Variants in CLDN16 observed in about 807,000 individuals in gnomAD.
The protein encoded by CLDN16 is claudin-16.
A neutral mutation model predicts 24.6 loss-of-function variants in CLDN16; 13 were observed. The ratio of observed to expected loss-of-function variants is 0.53; its 90% confidence interval spans 0.34 to 0.84. The LOEUF is 0.84. Ranked by LOEUF, CLDN16 falls within the 40% of genes least tolerant of loss-of-function variation. The pLI is 0.01. For synonymous variants in CLDN16, 116 were observed against 106.7 expected, an observed-to-expected ratio of 1.09 and a Z score of -0.54; for missense variants, 298 against 292.7, an observed-to-expected ratio of 1.02 and a Z score of -0.13.
At chr3:190,391,832 G>T (rs1325067907) in intron 1 of CLDN16, among the ~76,000 whole-genome samples, 1 of 152,156 alleles carries the variant, frequency 6.6e-6, no homozygotes, top group African/African-American at 2.4e-5. Flanking sequence ...CTACATCAGT[G>T]ACTAGAGGCC....
At chr3:190,323,245 A>C (rs1488761773) in intron 1 of CLDN16, among the ~76,000 whole-genome samples, 1 of 152,178 alleles carries the variant, frequency 6.6e-6, no homozygotes, top group Non-Finnish European at 1.5e-5. Context: ...TCATTATCAG[A>C]GGGACCTGGC....
chr3:190,327,141 C>T (rs887114869), intron 1 of CLDN16, among the ~76,000 whole-genome samples: 4 of 152,054 alleles, frequency 2.6e-5, no homozygotes, highest in South Asian at 2.1e-4. Flanking sequence ...ATTCAACATT[C>T]GTAAAGTGTT....
At chr3:190,363,774 T>A (rs972464682) in intron 1 of CLDN16, among the ~76,000 whole-genome samples, 2 of 151,358 alleles carry the variant, frequency 1.3e-5, no homozygotes, top group African/African-American at 4.8e-5. Context: ...TCCCACTGGA[T>A]TAACATGTGA....
intron 1 of CLDN16, among the ~76,000 whole-genome samples, chr3:190,359,456 A>G (rs77527294): frequency 0.017 from 2,529 of 152,154 alleles, 79 homozygotes; most frequent in African/African-American, 0.057. Context: ...CTTTATTGCA[A>G]TCCTACAGTT....
At chr3:190,328,284 A>T (rs931600762) in intron 1 of CLDN16, among the ~76,000 whole-genome samples, 1 of 152,144 alleles carries the variant, frequency 6.6e-6, no homozygotes, top group African/African-American at 2.4e-5. Flanking sequence ...TGTCACACAC[A>T]CACAAAATAT....
At chr3:190,399,609 A>G (rs1718911210) in intron 1 of CLDN16, among the ~76,000 whole-genome samples, 1 of 152,236 alleles carries the variant, frequency 6.6e-6, no homozygotes, top group Non-Finnish European at 1.5e-5. Flanking sequence ...GATACATATA[A>G]TGTATAGTGA....
At chr3:190,323,112 T>A (rs751462515) in intron 1 of CLDN16, among the ~76,000 whole-genome samples, 1 of 151,980 alleles carries the variant, frequency 6.6e-6, no homozygotes, top group Non-Finnish European at 1.5e-5. Flanking sequence ...ACCCAAAATA[T>A]CCCCTTTGAT....
intron 1 of CLDN16, among the ~76,000 whole-genome samples, chr3:190,365,227 A>G (rs1227145344): frequency 2.6e-5 from 4 of 151,702 alleles, no homozygotes; most frequent in African/African-American, 9.7e-5. Flanking sequence ...CCACTGGCCT[A>G]TGTTCTTTTG....
the CLDN16 span, among the ~76,000 whole-genome samples, chr3:190,297,063 A>G: frequency 6.6e-6 from 1 of 152,042 alleles, no homozygotes; most frequent in Non-Finnish European, 1.5e-5. Context: ...TGTTTGGATA[A>G]AGATTTGACA....
upstream of CLDN16, among the ~76,000 whole-genome samples, chr3:190,385,939 G>A (rs1718487603): frequency 6.6e-6 from 1 of 152,078 alleles, no homozygotes; most frequent in African/African-American, 2.4e-5. Flanking sequence ...GAATCCAAAT[G>A]TCTGGGAGTG....
At chr3:190,386,349 G>A (rs569024456), upstream of CLDN16, among the ~76,000 whole-genome samples, 2 of 152,126 alleles carry the variant, frequency 1.3e-5, no homozygotes, top group African/African-American at 2.4e-5. Context: ...TAGTTATAAC[G>A]ATCGCTAATG....
chr3:190,293,593 C>A, the CLDN16 span, among the ~76,000 whole-genome samples: 1 of 152,088 alleles, frequency 6.6e-6, no homozygotes, highest in African/African-American at 2.4e-5. Flanking sequence ...AATAAAATAT[C>A]AATAGTTCAA....
At chr3:190,408,253 T>C (rs1719155881) in intron 3 of CLDN16, 61 bp from the exon 4 acceptor site, 21 of 1,499,104 alleles carry the variant, frequency 1.4e-5, no homozygotes, top group Non-Finnish European at 1.7e-5. Context: ...TAAGCAGGTA[T>C]TTTTGGATTT....
chr3:190,330,949 A>T (rs972564476), intron 1 of CLDN16, among the ~76,000 whole-genome samples: 3 of 152,182 alleles, frequency 2.0e-5, no homozygotes, highest in African/African-American at 7.2e-5. Context: ...CTCAGAAACA[A>T]CTGCTTATTC....
At chr3:190,338,055 A>ATGG (rs1016813640) in intron 1 of CLDN16, among the ~76,000 whole-genome samples, 6 of 152,190 alleles carry the variant, frequency 3.9e-5, no homozygotes, top group African/African-American at 1.4e-4. Flanking sequence ...CAGCCATTAC[A>ATGG]TGGTGCCAGG....
chr3:190,328,497 G>A (rs74385488), intron 1 of CLDN16, among the ~76,000 whole-genome samples: 2,372 of 152,176 alleles, frequency 0.016, 49 homozygotes, highest in Middle Eastern at 0.041. Flanking sequence ...TATGGATAAT[G>A]CTAAATCCTG....
At chr3:190,310,316 C>CAAAAATA in the CLDN16 span, 2 of 1,245,720 alleles carry the variant, frequency 1.6e-6, no homozygotes, top group Non-Finnish European at 2.4e-6. Flanking sequence ...AATACACAAC[C>CAAAAATA]TGTTAAACCA....
At chr3:190,347,125 C>G (rs1204584760) in intron 1 of CLDN16, among the ~76,000 whole-genome samples, 1 of 152,072 alleles carries the variant, frequency 6.6e-6, no homozygotes, top group Non-Finnish European at 1.5e-5. Context: ...GGTCACAAAG[C>G]TAATATGTGG....
chr3:190,322,426 C>G (rs1716954868), upstream of CLDN16: 2 of 589,532 alleles, frequency 3.4e-6, no homozygotes, highest in Non-Finnish European at 6.1e-6. Context: ...TGCGGTTGCT[C>G]CCAGGCTCGG....
Sources: allele counts gnomAD v4.1 joint callset (sites outside exome capture counted in the v4.1 genomes callset), GRCh38; gene constraint gnomAD v4.1.1; transcripts MANE v1.5; gene names NCBI Gene and HGNC (gene_info 2026-07-23, HGNC 2026-07-21).